Variants in PRDM4 observed in about 807,000 individuals in gnomAD.
PRDM4 encodes the protein PR domain zinc finger protein 4.
Under a neutral mutation model 62.3 loss-of-function variants are expected in PRDM4, and 38 were observed. That is an observed-to-expected ratio of 0.61 (90% CI 0.47 to 0.80). PRDM4 has a LOEUF of 0.80. Ranked by LOEUF, PRDM4 falls within the 30% of genes least tolerant of loss-of-function variation. PRDM4 has a pLI of 0.00. For synonymous variants in PRDM4, 339 were observed against 348.2 expected (o/e 0.97, Z 0.30); for missense variants, 858 against 997.1 (o/e 0.86, Z 1.88).
intron 2 of PRDM4, chr12:107,759,703 C>T (rs1021110110): frequency 3.3e-5 from 5 of 152,180 alleles, no homozygotes; most frequent in Admixed American, 2.6e-4. Context: ...AGGGAATGTA[C>T]AATATGATCC....
chr12:107,740,256 G>A (rs1345912006), intron 10 of PRDM4, among the ~76,000 whole-genome samples: 2 of 152,172 alleles, frequency 1.3e-5, no homozygotes. Flanking sequence ...GGAGGCTGAG[G>A]TAAGCAGACT....
chr12:107,754,191 G>C, intron 3 of PRDM4, 82 bp from the exon 4 acceptor site: 1 of 1,195,406 alleles, frequency 8.4e-7, no homozygotes, highest in Non-Finnish European at 1.2e-6. Context: ...TAAACTCTTA[G>C]AAAGGTTTTT....
rs759686152 is a variant in PRDM4, at chr12:107,751,436, T to C, written c.1105A>G (p.Met369Val). ...TCACAAATTGTAAACAAGGTTGCCA[T>C]GTTCTCCTTGTTTGAATTGGAGTCT... Reference protein sequence around the residue: ...MEDSNSNKENMATLFTIWCTL... With the variant: ...MEDSNSNKENVATLFTIWCTL... The change falls in exon 5 of 12, where the codon ATG (methionine) becomes GTG (valine). Residue 369 changes from methionine (M) to valine (V), a missense_variant. Physicochemically the swap from Met to Val is conservative, Grantham distance 21. Coordinates refer to ENST00000228437, the MANE Select transcript of PRDM4 (RefSeq NM_012406.4). The C allele has an allele frequency of 5.0e-6, 8 of 1,605,842 alleles. No homozygotes were observed. The highest frequency in any genetic ancestry group is 6.0e-6 in the Non-Finnish European group (7 of 1,172,908).
chr12:107,750,989 G>A (rs1021792559), intron 5 of PRDM4, among the ~76,000 whole-genome samples: 5 of 152,010 alleles, frequency 3.3e-5, no homozygotes, highest in Admixed American at 2.0e-4. Flanking sequence ...TGAAACTCCC[G>A]GGCTCAAGCA....
In PRDM4 at chr12:107,734,616, C is replaced by A. The variant is rs1052570018; in HGVS notation, c.2094-94G>T. On this transcript the variant is annotated intron_variant, in intron 11 of 11. Transcript: ENST00000228437. ...TCATAGCCGCAGGCCTTTGTCAGAG[C>A]AGCTCTATCCTTCTGAATCAGGCTT... The A allele has an allele frequency of 6.8e-6, 8 of 1,181,004 alleles. No homozygotes were observed. The African/African-American group carries it at 1.1e-4, about 16-fold the overall frequency. The allele number at this position is 1,181,004 out of a possible 1,614,324, so 73.2% of individuals were successfully genotyped here. A position where few individuals can be genotyped will look rare whatever the true frequency, so the allele number is the denominator to read the frequency against.
intron 4 of PRDM4, among the ~76,000 whole-genome samples, 153 bp downstream of exon 4, chr12:107,753,770 AG>A (rs1269496434): frequency 1.3e-5 from 2 of 152,242 alleles, no homozygotes; most frequent in Non-Finnish European, 2.9e-5. Context: ...TAAGAGGAAA[AG>A]TACATAAATA....
At chr12:107,753,443 G>T (rs960311579) in intron 4 of PRDM4, among the ~76,000 whole-genome samples, 1 of 151,620 alleles carries the variant, frequency 6.6e-6, no homozygotes, top group Admixed American at 6.6e-5. Flanking sequence ...ATGAAAATTG[G>T]TAAAAACCTA....
chr12:107,739,425 A>G lies in PRDM4; in HGVS notation c.2051T>C (p.Met684Thr). Residue 684 changes from methionine (M) to threonine (T), a missense_variant, in exon 11 of 12, where the codon ATG (methionine) becomes ACG (threonine). By Grantham distance (81) the Met-to-Thr change is moderately conservative (BLOSUM62 -1). Around this residue, in one of 3 missense-constraint regions of PRDM4, gnomAD observed 355 missense variants for 432.6 expected, o/e 0.82. Transcript: ENST00000228437. ...GTGCTGCTTGAGGTCCTGCCTCCGC[A>G]TAAACAACTTGTCACAGTAATCACA... ...LKCDYCDKLFMRRQDLKQHVL... is the reference protein window; with the variant it reads ...LKCDYCDKLFTRRQDLKQHVL... 6.2e-7 allele frequency: 1 copy of G among 1,613,926 alleles called. No individual in the cohort carries two copies. Among genetic ancestry groups the G allele is most frequent in the Non-Finnish European group, 8.5e-7 (1 of 1,179,838 alleles).
chr12:107,736,429 C>A (rs1389890687), intron 11 of PRDM4: 1 of 152,240 alleles, frequency 6.6e-6, no homozygotes, highest in East Asian at 1.9e-4. Flanking sequence ...GTTTCTAAGG[C>A]AGAGGCCCTG....
Position 107,734,188 on chromosome 12 carries a change from A to G in PRDM4, c.*22T>C, listed in dbSNP as rs17306603. The G allele has an allele frequency of 0.37, 576,044 of 1,561,040 alleles. 113,317 individuals carry two copies. Among genetic ancestry groups the G allele is most frequent in the Middle Eastern group, 0.41 (2,353 of 5,742 alleles). On this transcript the variant is annotated 3_prime_UTR_variant, in exon 12 of 12. Coordinates refer to ENST00000228437, the MANE Select transcript of PRDM4 (RefSeq NM_012406.4). Reference sequence around the variant, plus strand: ...ATTTTTCCATTTGCATTTTCATCCAAAATTGCTTGTTTCTTTTCCTTTTAT... The same window carrying G: ...ATTTTTCCATTTGCATTTTCATCCAGAATTGCTTGTTTCTTTTCCTTTTAT...
intron 3 of PRDM4, among the ~76,000 whole-genome samples, chr12:107,756,208 C>T (rs955808075): frequency 2.0e-5 from 3 of 152,050 alleles, no homozygotes; most frequent in Non-Finnish European, 4.4e-5. Flanking sequence ...TGCAGTGAGC[C>T]GAGATCGTGC....
intron 11 of PRDM4, chr12:107,737,020 G>A (rs896548867): frequency 6.6e-6 from 1 of 152,252 alleles, no homozygotes; most frequent in East Asian, 1.9e-4. Context: ...GAGCCGCTGA[G>A]TGATGGTGAG....
intron 6 of PRDM4, among the ~76,000 whole-genome samples, 186 bp from the exon 7 acceptor site, chr12:107,744,847 G>C (rs999292568): frequency 2.0e-5 from 3 of 152,084 alleles, no homozygotes; most frequent in Non-Finnish European, 4.4e-5. Flanking sequence ...ATCACCTGAG[G>C]TCAGGAGTTT....
chr12:107,758,102 G>C (rs1017520102), intron 2 of PRDM4, among the ~76,000 whole-genome samples: 4 of 151,886 alleles, frequency 2.6e-5, no homozygotes, highest in Admixed American at 2.6e-4. Flanking sequence ...AATCTAAATA[G>C]GTTTTTAATT....
In PRDM4 at chr12:107,734,492, A is replaced by G. The variant is rs1444530635; in HGVS notation, c.2124T>C (p.Asp708=). The change falls in exon 12 of 12, where the codon GAT becomes GAC. Residue 708 remains aspartate (D), a synonymous_variant. Transcript: ENST00000228437. ...AGTGATTTGTTCTCAAGAACAGCTT[A>G]TCACACTTGGGACACTTGATCTGGC... ...QERQIKCPKC[D]KLFLRTNHLK... is the part of the protein sequence containing the mutation. 3 of 1,614,046 alleles carry G rather than the reference A, an allele frequency of 1.9e-6. No homozygotes were observed. In the South Asian group the frequency reaches 3.3e-5, roughly 18 times the overall value.
rs1891212527 is a variant in PRDM4, at chr12:107,760,574, G to T, written c.-59C>A. On this transcript the variant is annotated 5_prime_UTR_variant, in exon 2 of 12. Coordinates refer to ENST00000228437, the MANE Select transcript of PRDM4 (RefSeq NM_012406.4). ...TCGGGTGGTGGGGAACAGGCATCAGGGTTTGCGTTCCAGGGTCACGTGCTA... is the reference window on the plus strand; with the variant it reads ...TCGGGTGGTGGGGAACAGGCATCAGTGTTTGCGTTCCAGGGTCACGTGCTA... 22 of 1,604,640 alleles carry T rather than the reference G, an allele frequency of 1.4e-5. No homozygotes were observed. In the South Asian group the frequency reaches 2.2e-4, roughly 16 times the overall value.
intron 2 of PRDM4, chr12:107,758,169 T>G (rs1245080050): frequency 6.6e-6 from 1 of 151,990 alleles, no homozygotes; most frequent in African/African-American, 2.4e-5. Flanking sequence ...TAGCTAAAAT[T>G]TATGGCTCCC....
intron 10 of PRDM4, chr12:107,739,767 T>G (rs923742367): frequency 4.9e-6 from 2 of 409,810 alleles, no homozygotes; most frequent in African/African-American, 4.0e-5. Context: ...TGATCTCCTT[T>G]AGGACCTCTG....
chr12:107,760,520 T>G lies in PRDM4; in HGVS notation c.-5A>C. On this transcript the variant is annotated 5_prime_UTR_variant, in exon 2 of 12. Transcript: ENST00000228437. ...CCCTACTCACCTGTGATGCATCGGC[T>G]TGGGGCCAAATATCAGAGAAAGGAG... The G allele has an allele frequency of 6.2e-7, 1 of 1,613,372 alleles. No individual in the cohort carries two copies. The highest frequency in any genetic ancestry group is 8.5e-7 in the Non-Finnish European group (1 of 1,179,718).
Sources: gnomAD v4.1 joint callset for allele counts (sites outside exome capture counted in the v4.1 genomes callset) on GRCh38, gnomAD v4.1.1 for gene constraint, gnomAD v4.1.1 regional missense constraint, MANE v1.5 for transcripts, NCBI Gene and HGNC (gene_info 2026-07-23, HGNC 2026-07-21) for gene names.